The following ARHGAP24 variants were observed in gnomAD, a reference collection of about 807,000 sequenced individuals.
ARHGAP24 encodes the protein rho GTPase-activating protein 24.
In ARHGAP24, 50 loss-of-function variants were observed where a neutral mutation model predicts 76.4. The observed-to-expected ratio is 0.65, with a 90% CI of 0.52 to 0.83. ARHGAP24 has a LOEUF of 0.83. Ranked by LOEUF, ARHGAP24 falls within the 40% of genes least tolerant of loss-of-function variation. ARHGAP24 has a pLI of 0.00. For synonymous variants in ARHGAP24, 345 were observed against 323.3 expected (o/e 1.07, Z -0.72); for missense variants, 930 against 914.2 (o/e 1.02, Z -0.22).
chr4:85,655,094 G>A (rs990897141), intron 2 of ARHGAP24, among the ~76,000 whole-genome samples: 6 of 152,088 alleles, frequency 3.9e-5, no homozygotes, highest in Admixed American at 1.3e-4. Context: ...CACTAATGAT[G>A]AAATATAGCT....
chr4:85,517,779 T>G (rs1053999425), intron 1 of ARHGAP24, among the ~76,000 whole-genome samples: 1 of 152,212 alleles, frequency 6.6e-6, no homozygotes, highest in African/African-American at 2.4e-5. Context: ...TGAAAAACTC[T>G]GACTCTGCTT....
At chr4:85,624,012 A>G (rs1390510246) in intron 2 of ARHGAP24, among the ~76,000 whole-genome samples, 1 of 152,180 alleles carries the variant, frequency 6.6e-6, no homozygotes, top group East Asian at 1.9e-4. Context: ...TTTTCTAGAT[A>G]TACAATCATA....
At chr4:85,764,283 T>C (rs1438722462) in intron 3 of ARHGAP24, among the ~76,000 whole-genome samples, 1 of 152,144 alleles carries the variant, frequency 6.6e-6, no homozygotes, top group Non-Finnish European at 1.5e-5. Context: ...CTATCTGCTA[T>C]AGTGTGAGGG....
At chr4:85,844,310 TGTTCGTTACA>T (rs1316130763) in intron 3 of ARHGAP24, among the ~76,000 whole-genome samples, 14 of 152,218 alleles carry the variant, frequency 9.2e-5, no homozygotes, top group African/African-American at 3.4e-4. Flanking sequence ...CTGGCTGAAC[TGTTCGTTACA>T]GCATCTCTAG....
Position 85,475,558 on chromosome 4 carries a change from A to G in ARHGAP24, c.-22A>G, listed in dbSNP as rs1722543723. 1.3e-5 allele frequency: 2 copies of G among 151,240 alleles called. No individual in the cohort carries two copies. The highest frequency in any genetic ancestry group is 6.6e-5 in the Admixed American group (1 of 15,186). The allele number at this position is 151,240 out of a possible 1,614,324, so 9.4% of individuals were successfully genotyped here. On this transcript the variant is annotated splice_region_variant and 5_prime_UTR_variant, in exon 1 of 10. Transcript: ENST00000395184. ...CGGCATCTGTCTTGAGCTCCCAGCA[A>G]GGTAGGTGATGCGGTCGCGAGGAAG...
At chr4:85,952,119 A>T (rs1438077858) in intron 5 of ARHGAP24, among the ~76,000 whole-genome samples, 1 of 152,190 alleles carries the variant, frequency 6.6e-6, no homozygotes, top group African/African-American at 2.4e-5. Context: ...CTTTCTATAC[A>T]TAGCAGATAA....
intron 3 of ARHGAP24, among the ~76,000 whole-genome samples, chr4:85,887,876 T>G (rs1054098604): frequency 1.3e-5 from 2 of 152,234 alleles, no homozygotes; most frequent in African/African-American, 4.8e-5. Context: ...TGATTGGCTA[T>G]ATTTTATCAA....
intron 4 of ARHGAP24, among the ~76,000 whole-genome samples, chr4:85,933,832 A>G (rs1303635776): frequency 6.6e-6 from 1 of 152,172 alleles, no homozygotes; most frequent in African/African-American, 2.4e-5. Flanking sequence ...AGATTTTTAA[A>G]GTCCACCTCT....
At chr4:85,575,481 T>G (rs1252382569) in intron 2 of ARHGAP24, among the ~76,000 whole-genome samples, 1 of 152,172 alleles carries the variant, frequency 6.6e-6, no homozygotes, top group Non-Finnish European at 1.5e-5. Flanking sequence ...GAAGAATCTA[T>G]AAAAAAGAAT....
At chr4:85,890,664 G>T (rs1546492) in intron 3 of ARHGAP24, among the ~76,000 whole-genome samples, 31,087 of 151,940 alleles carry the variant, frequency 0.2, 3,399 homozygotes, top group South Asian at 0.3. Context: ...AGCTAGAATA[G>T]CCTATCTAGA....
intron 2 of ARHGAP24, among the ~76,000 whole-genome samples, chr4:85,583,636 AC>A (rs1415501128): frequency 6.6e-6 from 1 of 151,980 alleles, no homozygotes; most frequent in Non-Finnish European, 1.5e-5. Flanking sequence ...AAAAGAAACT[AC>A]CATCAGAGTG....
intron 3 of ARHGAP24, among the ~76,000 whole-genome samples, chr4:85,878,989 C>T (rs545835084): frequency 6.6e-6 from 1 of 152,150 alleles, no homozygotes; most frequent in Non-Finnish European, 1.5e-5. Flanking sequence ...GCAATTCAAC[C>T]AAGTACACTA....
chr4:85,844,676 C>A (rs1180448264), intron 3 of ARHGAP24, among the ~76,000 whole-genome samples: 1 of 152,202 alleles, frequency 6.6e-6, no homozygotes, highest in East Asian at 1.9e-4. Flanking sequence ...GTATAAATTG[C>A]AATGGGAGTT....
At chr4:85,907,841 C>T (rs17011175) in intron 3 of ARHGAP24, among the ~76,000 whole-genome samples, 5,013 of 152,252 alleles carry the variant, frequency 0.033, 297 homozygotes, top group African/African-American at 0.12. Flanking sequence ...TGCTGCTACT[C>T]TTCCTGTATT....
intron 8 of ARHGAP24, among the ~76,000 whole-genome samples, chr4:85,981,420 A>G (rs1246959485): frequency 6.6e-6 from 1 of 152,144 alleles, no homozygotes; most frequent in Non-Finnish European, 1.5e-5. Flanking sequence ...ATATTAACAA[A>G]TCTATAGTAT....
At chr4:85,859,011 C>T (rs1364782071) in intron 3 of ARHGAP24, among the ~76,000 whole-genome samples, 1 of 152,036 alleles carries the variant, frequency 6.6e-6, no homozygotes, top group South Asian at 2.1e-4. Flanking sequence ...AATGCACATC[C>T]TCCTGCCATT....
At chr4:85,943,691 T>A (rs1179572569) in intron 5 of ARHGAP24, among the ~76,000 whole-genome samples, 1 of 152,098 alleles carries the variant, frequency 6.6e-6, no homozygotes, top group African/African-American at 2.4e-5. Context: ...CTCCCACTTA[T>A]GAGTGAGAAC....
chr4:85,566,265 A>T (rs566383065), intron 1 of ARHGAP24, among the ~76,000 whole-genome samples: 304 of 152,334 alleles, frequency 2.0e-3, no homozygotes, highest in Admixed American at 5.1e-3. Context: ...GACTTCAGTG[A>T]AAGTATTTTC....
intron 1 of ARHGAP24, among the ~76,000 whole-genome samples, chr4:85,514,800 G>C (rs1214513291): frequency 1.6e-5 from 1 of 62,182 alleles, no homozygotes. Flanking sequence ...ATAATATATA[G>C]AAATTACTCT....
Sources: gnomAD v4.1 joint callset for allele counts (sites outside exome capture counted in the v4.1 genomes callset) on GRCh38, gnomAD v4.1.1 for gene constraint, MANE v1.5 for transcripts, NCBI Gene and HGNC (gene_info 2026-07-23, HGNC 2026-07-21) for gene names.